The following MEI1 variants were observed in gnomAD, a reference collection of about 807,000 sequenced individuals.
The protein encoded by MEI1 is meiosis inhibitor protein 1.
Under a neutral mutation model 146.2 loss-of-function variants are expected in MEI1, and 103 were observed. The ratio of observed to expected loss-of-function variants is 0.70; its 90% confidence interval spans 0.60 to 0.83. MEI1 has a LOEUF of 0.83. Ranked by LOEUF, MEI1 falls within the 40% of genes least tolerant of loss-of-function variation. The pLI, the probability that MEI1 is intolerant of heterozygous loss-of-function variation, is 0.00. For missense variants in MEI1, 1,529 were observed against 1,533.0 expected, an observed-to-expected ratio of 1.00 and a Z score of 0.04; for synonymous variants, 652 against 628.2, an observed-to-expected ratio of 1.04 and a Z score of -0.57.
intron 7 of MEI1, 47 bp from the exon 8 acceptor site, chr22:41,729,617 TC>T: frequency 8.0e-7 from 1 of 1,253,914 alleles, no homozygotes; most frequent in African/African-American, 1.5e-5. Context: ...GTTTTTCTGG[TC>T]CTATTCGTGG....
At position 41,764,105 on chromosome 22, in the gene MEI1, C is replaced by T. The variant is rs868431921; in HGVS notation, c.2268+784C>T. 1.8e-4 allele frequency among the ~76,000 whole-genome samples: 27 copies of T among 152,092 alleles called. No homozygotes were observed. The Middle Eastern group carries it at 0.014, about 77-fold the overall frequency. On this transcript the variant is annotated intron_variant, in intron 19 of 30. Coordinates refer to ENST00000401548, the MANE Select transcript of MEI1 (RefSeq NM_152513.4). Reference sequence around the variant, plus strand: ...CCTCCTGAATAGCTGGGACTACTGGCGCCCGCCACCACACCCGGCTAATTT... The same window carrying T: ...CCTCCTGAATAGCTGGGACTACTGGTGCCCGCCACCACACCCGGCTAATTT...
rs148630347 is a variant in MEI1, at chr22:41,703,490, A to C, written c.298+36A>C. On this transcript the variant is annotated intron_variant, in intron 2 of 30. Transcript: ENST00000401548. ...GAGGGAAATTTGACATGAGTTTTGAATGTATAGTATGTATATCTGCTTTTG... is the reference window on the plus strand; with the variant it reads ...GAGGGAAATTTGACATGAGTTTTGACTGTATAGTATGTATATCTGCTTTTG... The C allele has an allele frequency of 4.3e-3, 6,512 of 1,497,418 alleles. 23 individuals are homozygous for C. Among genetic ancestry groups the C allele is most frequent in the Non-Finnish European group, 5.3e-3 (5,924 of 1,120,986 alleles). The allele number at this position is 1,497,418 out of a possible 1,614,324, so 92.8% of individuals were successfully genotyped here. A position where few individuals can be genotyped will look rare whatever the true frequency, so the allele number is the denominator to read the frequency against.
rs1170853614 is a variant in MEI1, at chr22:41,730,591, C to A, written c.1050C>A (p.Leu350=). ...GGTCCAGCTGTAACTGCTTGACACTCCTGGTAGAAGAGCCACTCTTTTTTT... is the reference window on the plus strand; with the variant it reads ...GGTCCAGCTGTAACTGCTTGACACTACTGGTAGAAGAGCCACTCTTTTTTT... ...LVWSSCNCLT[L]LVEEPLFFSK... The change falls in exon 9 of 31, where the codon CTC becomes CTA. Residue 350 remains leucine (L), a synonymous_variant. Coordinates refer to ENST00000401548, the MANE Select transcript of MEI1 (RefSeq NM_152513.4). 1 of 1,613,874 alleles carries A rather than the reference C, an allele frequency of 6.2e-7. No homozygotes were observed. Among genetic ancestry groups the A allele is most frequent in the Non-Finnish European group, 8.5e-7 (1 of 1,179,792 alleles).
At chr22:41,715,022 A>G (rs901083412) in intron 4 of MEI1, among the ~76,000 whole-genome samples, 2 of 152,220 alleles carry the variant, frequency 1.3e-5, no homozygotes, top group South Asian at 4.1e-4. Flanking sequence ...TTCATTATAA[A>G]TTATATTTCA....
At chr22:41,755,085 T>C (rs916403661) in intron 17 of MEI1, among the ~76,000 whole-genome samples, 9 of 152,154 alleles carry the variant, frequency 5.9e-5, no homozygotes, top group African/African-American at 2.2e-4. Context: ...TGAACATTCA[T>C]TGAGCTTCTG....
In MEI1 at chr22:41,798,172, T is replaced by C. The variant is rs200158017; in HGVS notation, c.3780-1082T>C. On this transcript the variant is annotated intron_variant, in intron 30 of 30. Transcript: ENST00000401548. ...ACACACACACACACACACACACACATAGTGTGTGTCTCTGTGACTGCCATG... is the reference window on the plus strand; with the variant it reads ...ACACACACACACACACACACACACACAGTGTGTGTCTCTGTGACTGCCATG... Among the ~76,000 whole-genome samples, 401 of 102,858 alleles carry C rather than the reference T, an allele frequency of 3.9e-3. 7 individuals are homozygous for C. Among genetic ancestry groups the C allele is most frequent in the East Asian group, 0.021 (57 of 2,772 alleles). 67.5% of individuals were successfully genotyped at this position (102,858 alleles called of 152,430 possible).
At chr22:41,763,150 A>T in intron 18 of MEI1, 24 bp from the exon 19 acceptor site, 1 of 1,611,616 alleles carries the variant, frequency 6.2e-7, no homozygotes, top group Non-Finnish European at 8.5e-7. Flanking sequence ...TGCCTTTCTC[A>T]CTCAGGCTTT....
rs2072027348 is a variant in MEI1 at position 41,733,223 on chromosome 22, G to C, written c.1331+620G>C. Among the ~76,000 whole-genome samples the C allele has an allele frequency of 2.0e-5, 3 of 152,000 alleles. No individual in the cohort carries two copies. The South Asian group carries it at 6.2e-4, about 32-fold the overall frequency. On this transcript the variant is annotated intron_variant, in intron 11 of 30. Transcript: ENST00000401548. Reference sequence around the variant, plus strand: ...CCAGCACTTTGGGAGGCCAAGGTGGGTTGGATCACCTGAGCCCAGGAGTTC... The same window carrying C: ...CCAGCACTTTGGGAGGCCAAGGTGGCTTGGATCACCTGAGCCCAGGAGTTC...
chr22:41,756,531 TG>T (rs1279307439), intron 17 of MEI1, among the ~76,000 whole-genome samples: 2 of 152,174 alleles, frequency 1.3e-5, no homozygotes, highest in Non-Finnish European at 2.9e-5. Context: ...TGGAGTGCAG[TG>T]GCGTGATCTC....
chr22:41,707,820 G>A (rs1330929491), intron 3 of MEI1, among the ~76,000 whole-genome samples: 1 of 152,168 alleles, frequency 6.6e-6, no homozygotes, highest in Non-Finnish European at 1.5e-5. Context: ...AGCTTAATGA[G>A]GTTCAGCTAG....
At chr22:41,752,231 G>C (rs867863969) in intron 15 of MEI1, among the ~76,000 whole-genome samples, 11 of 152,216 alleles carry the variant, frequency 7.2e-5, no homozygotes, top group Middle Eastern at 3.2e-3. Flanking sequence ...GATAGAAGGA[G>C]CAGATGTGCC....
At chr22:41,763,888 A>G (rs771233206) in intron 19 of MEI1, among the ~76,000 whole-genome samples, 5 of 151,710 alleles carry the variant, frequency 3.3e-5, no homozygotes, top group South Asian at 4.2e-4. Flanking sequence ...TATGTTTCCT[A>G]TGTAATCTAA....
At chr22:41,778,647 G>T in intron 21 of MEI1, 61 bp from the exon 22 acceptor site, 1 of 1,325,904 alleles carries the variant, frequency 7.5e-7, no homozygotes, top group Non-Finnish European at 1.1e-6. Context: ...AGGGCAGGGT[G>T]TCTGACCTTC....
chr22:41,755,047 G>A (rs2074002360), intron 17 of MEI1, among the ~76,000 whole-genome samples: 1 of 152,172 alleles, frequency 6.6e-6, no homozygotes, highest in Admixed American at 6.6e-5. Context: ...CAGCTGCAGG[G>A]CTGAGAGCTG....
chr22:41,705,606 T>C (rs2069028546), intron 3 of MEI1, 52 bp downstream of exon 3: 1 of 1,517,780 alleles, frequency 6.6e-7, no homozygotes, highest in Non-Finnish European at 9.2e-7. Context: ...TTAGTCTGAA[T>C]TGCAGCTCTG....
Position 41,778,853 on chromosome 22 carries a change from T to C in MEI1, c.2815+41T>C, listed in dbSNP as rs766587361. On this transcript the variant is annotated intron_variant, in intron 22 of 30. Transcript: ENST00000401548. ...GGGATAGCGCCCAAGGGCCCAGGGC[T>C]GGACGTGCAGTGGGTGCTCACTAAG... The C allele has an allele frequency of 2.1e-5, 30 of 1,448,476 alleles. No individual in the cohort carries two copies. In the Admixed American group the frequency reaches 5.4e-4, roughly 26 times the overall value. The allele number at this position is 1,448,476 out of a possible 1,614,324, so 89.7% of individuals were successfully genotyped here. A position where few individuals can be genotyped will look rare whatever the true frequency, so the allele number is the denominator to read the frequency against.
At chr22:41,785,918 T>TA in intron 26 of MEI1, among the ~76,000 whole-genome samples, 4 of 142,840 alleles carry the variant, frequency 2.8e-5, no homozygotes, top group African/African-American at 5.1e-5. Flanking sequence ...TTATTTTATT[T>TA]TTTTTTTTTT....
intron 9 of MEI1, 49 bp from the exon 10 acceptor site, chr22:41,732,196 G>T: frequency 6.8e-7 from 1 of 1,461,236 alleles, no homozygotes; most frequent in South Asian, 1.2e-5. Context: ...GGCAGTGAAG[G>T]AACAAGAGAG....
At chr22:41,763,038 T>C in intron 18 of MEI1, 136 bp from the exon 19 acceptor site, 3 of 839,590 alleles carry the variant, frequency 3.6e-6, no homozygotes, top group Non-Finnish European at 5.5e-6. Context: ...AGCACACTGT[T>C]TGTCTAAGAT....
Sources: allele counts gnomAD v4.1 joint callset (sites outside exome capture counted in the v4.1 genomes callset), GRCh38; gene constraint gnomAD v4.1.1; transcripts MANE v1.5; gene names NCBI Gene and HGNC (gene_info 2026-07-23, HGNC 2026-07-21).